Variants in ARHGAP8 observed in about 807,000 individuals in gnomAD.
The protein encoded by ARHGAP8 is rho GTPase-activating protein 8.
Under a neutral mutation model 46.1 loss-of-function variants are expected in ARHGAP8, and 62 were observed. That is an observed-to-expected ratio of 1.34 (90% CI 1.10 to 1.66). The LOEUF (loss-of-function observed/expected upper bound fraction) is 1.66, where lower values mean the gene tolerates loss of function less well. Among genes scored for constraint, ARHGAP8 ranks in the 40% most tolerant of loss-of-function variants. The pLI is 0.00. For synonymous variants in ARHGAP8, 375 were observed against 243.1 expected (o/e 1.54, Z -5.05); for missense variants, 923 against 568.4 (o/e 1.62, Z -6.34).
intron 2 of ARHGAP8, among the ~76,000 whole-genome samples, chr22:44,800,550 A>G (rs77662727): frequency 0.25 from 24,154 of 97,612 alleles, 2,019 homozygotes; most frequent in East Asian, 0.42. Context: ...GCAGCTGTCC[A>G]TGTGTGGGGG....
At chr22:44,849,087 G>A (rs6007319) in intron 10 of ARHGAP8, 27 bp downstream of exon 10, 3 of 1,611,608 alleles carry the variant, frequency 1.9e-6, no homozygotes, top group Non-Finnish European at 8.5e-7. Flanking sequence ...GCGCAGGGGT[G>A]GGGGGCTTGG....
In ARHGAP8 at chr22:44,753,431, G is replaced by A. The variant is rs1029647691; in HGVS notation, c.-72+804G>A. ...AGACAGGGTTTCACCATGTTGTCCAGGCTGGTCTCGACCACCTGACCTCAG... is the reference window on the plus strand; with the variant it reads ...AGACAGGGTTTCACCATGTTGTCCAAGCTGGTCTCGACCACCTGACCTCAG... On this transcript the variant is annotated intron_variant, in intron 1 of 11. Transcript: ENST00000356099. Among the ~76,000 whole-genome samples, 167 of 152,204 alleles carry A rather than the reference G, an allele frequency of 1.1e-3. 1 individual carries two copies. The highest frequency in any genetic ancestry group is 3.6e-3 in the African/African-American group (151 of 41,512).
At chr22:44,778,001 TA>T (rs1170065421) in intron 1 of ARHGAP8, among the ~76,000 whole-genome samples, 73 of 43,242 alleles carry the variant, frequency 1.7e-3, no homozygotes, top group African/African-American at 5.8e-3. Context: ...TGGACTATTT[TA>T]TTTATTTATT....
At chr22:44,768,492 G>C (rs1170172787) in intron 1 of ARHGAP8, among the ~76,000 whole-genome samples, 1 of 149,252 alleles carries the variant, frequency 6.7e-6, no homozygotes, top group Non-Finnish European at 1.5e-5. Flanking sequence ...ATCTTGTAGA[G>C]ACAGGGGTCT....
At chr22:44,850,850 G>A (rs2070074030) in intron 10 of ARHGAP8, 1 of 151,468 alleles carries the variant, frequency 6.6e-6, no homozygotes, top group African/African-American at 2.4e-5. Context: ...TGTAATCCCA[G>A]CTACTCAGGA....
At chr22:44,768,895 C>T (rs1328660347) in intron 1 of ARHGAP8, among the ~76,000 whole-genome samples, 1 of 149,810 alleles carries the variant, frequency 6.7e-6, no homozygotes, top group Non-Finnish European at 1.5e-5. Context: ...AGTGCAATGG[C>T]GCGATCTCGG....
In ARHGAP8 at chr22:44,857,748, C is replaced by T. The variant is rs530764668; in HGVS notation, c.878-1983C>T. Among the ~76,000 whole-genome samples the T allele has an allele frequency of 2.6e-5, 4 of 152,190 alleles. No individual in the cohort carries two copies. In the South Asian group the frequency reaches 8.3e-4, roughly 32 times the overall value. On this transcript the variant is annotated intron_variant, in intron 10 of 11. Coordinates refer to ENST00000356099, the MANE Select transcript of ARHGAP8 (RefSeq NM_181335.3). The stretch of plus-strand genomic sequence containing the variant: ...AGGTCAGAGAGTCCTCGAGGCCCAG[C>T]CTCCCACATGCAAGCTGTGTGACCT...
chr22:44,788,545 C>T (rs1927444341), intron 2 of ARHGAP8, among the ~76,000 whole-genome samples: 1 of 151,864 alleles, frequency 6.6e-6, no homozygotes, highest in Admixed American at 6.6e-5. Flanking sequence ...AGGCATATAC[C>T]ACCATGCCTG....
intron 1 of ARHGAP8, among the ~76,000 whole-genome samples, chr22:44,764,762 CGTCA>C (rs1484060412): frequency 6.6e-6 from 1 of 152,214 alleles, no homozygotes; most frequent in Non-Finnish European, 1.5e-5. Flanking sequence ...AAAAGTCCTG[CGTCA>C]GTCAGTGTTC....
intron 11 of ARHGAP8, among the ~76,000 whole-genome samples, chr22:44,862,034 C>T (rs920665791): frequency 2.0e-5 from 3 of 152,160 alleles, no homozygotes; most frequent in Non-Finnish European, 4.4e-5. Flanking sequence ...TTGAGGCTGT[C>T]ACAGAAGGTC....
At chr22:44,815,242 G>A (rs1178830900) in intron 5 of ARHGAP8, among the ~76,000 whole-genome samples, 1 of 152,228 alleles carries the variant, frequency 6.6e-6, no homozygotes, top group African/African-American at 2.4e-5. Flanking sequence ...CAGCAGGAAT[G>A]TGTGGGGGAG....
chr22:44,824,279 G>A (rs940797636), intron 6 of ARHGAP8, among the ~76,000 whole-genome samples: 2 of 152,210 alleles, frequency 1.3e-5, no homozygotes, highest in South Asian at 2.1e-4. Flanking sequence ...ATGAGGGACC[G>A]AGACATCTCT....
chr22:44,855,273 A>G (rs753322872), intron 10 of ARHGAP8, among the ~76,000 whole-genome samples: 14 of 152,234 alleles, frequency 9.2e-5, no homozygotes, highest in East Asian at 1.9e-4. Flanking sequence ...GGCTCAAGCA[A>G]TCCTCCCACC....
At chr22:44,862,188 A>C in intron 11 of ARHGAP8, 87 bp from the exon 12 acceptor site, 3 of 1,489,146 alleles carry the variant, frequency 2.0e-6, no homozygotes, top group Non-Finnish European at 2.7e-6. Flanking sequence ...CACTACACCT[A>C]CGCCTCTCCC....
In ARHGAP8 at chr22:44,755,052, C is replaced by T. The variant is rs373775427; in HGVS notation, c.-72+2425C>T. ...TGTCCTTCCCCACTGCGATGGTGGT[C>T]ACCAAATGGCCATGAAACCCTCACT... On this transcript the variant is annotated intron_variant, in intron 1 of 11. Transcript: ENST00000356099. 3.9e-5 allele frequency among the ~76,000 whole-genome samples: 6 copies of T among 152,324 alleles called. No individual in the cohort carries two copies. The East Asian group carries it at 9.6e-4, about 24-fold the overall frequency.
chr22:44,859,482 G>A lies in ARHGAP8; in HGVS notation c.878-249G>A, dbSNP rs564987008. Among the ~76,000 whole-genome samples, 6 of 152,174 alleles carry A rather than the reference G, an allele frequency of 3.9e-5. No homozygotes were observed. The East Asian group carries it at 9.6e-4, about 24-fold the overall frequency. On this transcript the variant is annotated intron_variant, in intron 10 of 11. Coordinates refer to ENST00000356099, the MANE Select transcript of ARHGAP8 (RefSeq NM_181335.3). Reference sequence around the variant, plus strand: ...CAGGTGCTGGTGCCATGCTTGTACAGCCTGTAGAACCATGAGCCAGTTAAA... The same window carrying A: ...CAGGTGCTGGTGCCATGCTTGTACAACCTGTAGAACCATGAGCCAGTTAAA...
intron 5 of ARHGAP8, among the ~76,000 whole-genome samples, chr22:44,821,416 G>A (rs1036599173): frequency 8.5e-4 from 100 of 117,236 alleles, no homozygotes; most frequent in South Asian, 6.6e-4. Flanking sequence ...GTGACAGAGC[G>A]AGACTCCATC....
chr22:44,820,023 CCT>C (rs1278603808), intron 5 of ARHGAP8, among the ~76,000 whole-genome samples: 3 of 152,206 alleles, frequency 2.0e-5, no homozygotes, highest in Non-Finnish European at 4.4e-5. Flanking sequence ...AGCCACATAA[CCT>C]CTCTGTTTCC....
At chr22:44,778,045 TCC>T (rs1926553536) in intron 1 of ARHGAP8, among the ~76,000 whole-genome samples, 1 of 151,414 alleles carries the variant, frequency 6.6e-6, no homozygotes, top group African/African-American at 2.4e-5. Context: ...TTTATTTATT[TCC>T]ATAGGTTATT....
Sources: gnomAD v4.1 joint callset for allele counts (sites outside exome capture counted in the v4.1 genomes callset) on GRCh38, gnomAD v4.1.1 for gene constraint, MANE v1.5 for transcripts, NCBI Gene and HGNC (gene_info 2026-07-23, HGNC 2026-07-21) for gene names.